Variants in NRAP observed in about 807,000 individuals in gnomAD.
NRAP encodes the protein nebulin-related-anchoring protein.
NRAP carries 189 observed loss-of-function variants against 225.9 expected under a neutral mutation model. The ratio of observed to expected loss-of-function variants is 0.84; its 90% CI spans 0.74 to 0.94. The LOEUF is 0.94. NRAP is among the 40% of genes least tolerant of loss of function. NRAP has a pLI of 0.00. For missense variants in NRAP, 2,176 were observed against 2,168.7 expected (o/e 1.00, Z -0.07); for synonymous variants, 769 against 790.7 (o/e 0.97, Z 0.46).
At chr10:113,592,472 C>T (rs932537034) in intron 38 of NRAP, among the ~76,000 whole-genome samples, 171 bp from the exon 39 acceptor site, 5 of 152,160 alleles carry the variant, frequency 3.3e-5, no homozygotes, top group Non-Finnish European at 7.4e-5. Context: ...GTGGGGTTGG[C>T]CGTAAAAGGC....
rs757221408 is a variant in NRAP at position 113,624,930 on chromosome 10, C to T, written c.2245G>A (p.Val749Met). 1 of 1,609,218 alleles carries T rather than the reference C, an allele frequency of 6.2e-7. No homozygotes were observed. The highest frequency in any genetic ancestry group is 8.5e-7 in the Non-Finnish European group (1 of 1,175,742). ...AKKSQELQSG[V>M]AYKAGNEQSV... ...TGCTCATTTCCTGCCTTGTAGGCCACCTGTTGGGAAAGAGCACTGAGTCAG... is the reference window on the plus strand; with the variant it reads ...TGCTCATTTCCTGCCTTGTAGGCCATCTGTTGGGAAAGAGCACTGAGTCAG... Residue 749 changes from valine (V) to methionine (M), a missense_variant and splice_region_variant, in exon 22 of 42, where the codon GTG becomes ATG. This residue lies in a region of NRAP where 1,708 missense variants were observed against 1,695.5 expected (regional missense o/e 1.01). Coordinates refer to ENST00000359988, the MANE Select transcript of NRAP (RefSeq NM_198060.4).
At chr10:113,648,437 T>TTCTCTCTC (rs376144953) in intron 9 of NRAP, among the ~76,000 whole-genome samples, 3,354 of 65,758 alleles carry the variant, frequency 0.051, 145 homozygotes, top group Non-Finnish European at 0.074. Context: ...TTATTTTAGT[T>TTCTCTCTC]TCTCTCTCTC....
In NRAP at chr10:113,590,788, C is replaced by G. The variant is rs765743809; in HGVS notation, c.4746G>C (p.Arg1582Ser). The G allele has an allele frequency of 3.1e-6, 5 of 1,614,102 alleles. No homozygotes were observed. The African/African-American group carries it at 5.3e-5, about 17-fold the overall frequency. The part of the protein sequence containing the change: ...PRMKHFLNVG[R>S]LQSDNEYKKD... ...TCTTGTACTCATTGTCACTCTGGAG[C>G]CTGCCAACGTTGAGGAAATGCTTCA... The change falls in exon 40 of 42, where the codon AGG (arginine) becomes AGC (serine). Residue 1582 changes from arginine to serine, a missense_variant. Around this residue, in one of 3 missense-constraint regions of NRAP, gnomAD observed 445 missense variants for 426.1 expected, o/e 1.04. Coordinates refer to ENST00000359988, the MANE Select transcript of NRAP (RefSeq NM_198060.4).
intron 3 of NRAP, among the ~76,000 whole-genome samples, chr10:113,661,375 C>T (rs1314019006): frequency 6.6e-6 from 1 of 152,068 alleles, no homozygotes; most frequent in East Asian, 1.9e-4. Context: ...ATCTTGGCAG[C>T]ATGTGTAGAG....
intron 3 of NRAP, among the ~76,000 whole-genome samples, chr10:113,658,340 GT>G (rs1312323681): frequency 6.6e-6 from 1 of 152,102 alleles, no homozygotes; most frequent in Non-Finnish European, 1.5e-5. Flanking sequence ...GAAGCTTTGT[GT>G]TTTTATATTC....
In NRAP at chr10:113,660,929, A is replaced by G. The variant is rs553519889; in HGVS notation, c.255+1750T>C. Among the ~76,000 whole-genome samples, 7 of 152,288 alleles carry G rather than the reference A, an allele frequency of 4.6e-5. No homozygotes were observed. In the East Asian group the frequency reaches 1.3e-3, roughly 29 times the overall value. On this transcript the variant is annotated intron_variant, in intron 3 of 41. Coordinates refer to ENST00000359988, the MANE Select transcript of NRAP (RefSeq NM_198060.4). Reference sequence around the variant, plus strand: ...AGGTTACTTAACCTCTCTGAGCTTCAGTTTCCTCAACTATAACACAATAAT... The same window carrying G: ...AGGTTACTTAACCTCTCTGAGCTTCGGTTTCCTCAACTATAACACAATAAT...
rs141468148 is a variant in NRAP at position 113,612,776 on chromosome 10, C to T, written c.3301-345G>A. 5.9e-5 allele frequency among the ~76,000 whole-genome samples: 9 copies of T among 152,340 alleles called. No individual in the cohort carries two copies. The East Asian group carries it at 1.7e-3, about 29-fold the overall frequency. On this transcript the variant is annotated intron_variant, in intron 29 of 41. Transcript: ENST00000359988. ...ATTTTTCAGAGGCAAGAAGATGCAT[C>T]GCTCCCTGCCCACCATATTTTTTCC... is the stretch of plus-strand genomic sequence containing the variant.
intron 35 of NRAP, among the ~76,000 whole-genome samples, chr10:113,599,303 G>T (rs1261622152): frequency 1.3e-5 from 2 of 152,300 alleles, no homozygotes; most frequent in Admixed American, 1.3e-4. Flanking sequence ...ACTGGTGAAG[G>T]GAGACATCAC....
At chr10:113,643,439 T>A (rs1849323895) in intron 11 of NRAP, among the ~76,000 whole-genome samples, 1 of 152,244 alleles carries the variant, frequency 6.6e-6, no homozygotes, top group Non-Finnish European at 1.5e-5. Flanking sequence ...TGATTGCTAG[T>A]CACACAGGTG....
chr10:113,603,032 G>A (rs1281411346), intron 35 of NRAP, among the ~76,000 whole-genome samples: 1 of 152,198 alleles, frequency 6.6e-6, no homozygotes, highest in Non-Finnish European at 1.5e-5. Context: ...TGTCAAAGGT[G>A]CAGACGTTGA....
At chr10:113,638,941 T>C (rs1186805356) in intron 14 of NRAP, among the ~76,000 whole-genome samples, 1 of 152,172 alleles carries the variant, frequency 6.6e-6, no homozygotes, top group South Asian at 2.1e-4. Flanking sequence ...TCTAGATAAA[T>C]GTAGTAGCAA....
Position 113,614,240 on chromosome 10 carries a change from G to A in NRAP, c.3243C>T (p.Ser1081=), listed in dbSNP as rs753364704. The A allele has an allele frequency of 2.5e-6, 4 of 1,614,086 alleles. No individual in the cohort carries two copies. Among genetic ancestry groups the A allele is most frequent in the Admixed American group, 1.7e-5 (1 of 60,028 alleles). The change falls in exon 29 of 42, where the codon AGC becomes AGT. Residue 1081 remains serine, a synonymous_variant. Coordinates refer to ENST00000359988, the MANE Select transcript of NRAP (RefSeq NM_198060.4). ...GTGCAAGGCTGATATCATCTTCCAA[G>A]CTCCGGGAACCAAGCATCTGTCCTT... is the stretch of plus-strand genomic sequence containing the variant. ...KMKGQMLGSR[S]LEDDISLAHS...
At position 113,612,097 on chromosome 10, in the gene NRAP, A is replaced by C. The variant is rs1044190452; in HGVS notation, c.3498+137T>G. 62 of 646,020 alleles carry C rather than the reference A, an allele frequency of 9.6e-5. No homozygotes were observed. In the African/African-American group the frequency reaches 1.1e-3, roughly 12 times the overall value. 40.0% of individuals were successfully genotyped at this position (646,020 alleles called of 1,614,324 possible). On this transcript the variant is annotated intron_variant, in intron 30 of 41. Coordinates refer to ENST00000359988, the MANE Select transcript of NRAP (RefSeq NM_198060.4). ...TTAAGGGATGTGCAGGAACTCTCAG[A>C]CTGGGTTTCAAAATAAGACTTGGGT...
intron 9 of NRAP, among the ~76,000 whole-genome samples, chr10:113,648,459 CTCTCTCTCTATATA>C (rs1318780196): frequency 1.0e-4 from 13 of 126,968 alleles, no homozygotes; most frequent in African/African-American, 3.6e-4. Flanking sequence ...CTCTCTCTCT[CTCTCTCTCTATATA>C]TATATATATA....
intron 35 of NRAP, among the ~76,000 whole-genome samples, chr10:113,598,510 G>A (rs1413367489): frequency 6.6e-6 from 1 of 151,942 alleles, no homozygotes; most frequent in Non-Finnish European, 1.5e-5. Context: ...ATGACTGGGA[G>A]CAAATCACTT....
At chr10:113,631,486 T>G in intron 18 of NRAP, 23 bp downstream of exon 18, 1 of 1,447,260 alleles carries the variant, frequency 6.9e-7, no homozygotes. Flanking sequence ...AAGTGAGAGG[T>G]TGGGGGTTAG....
At chr10:113,609,865 G>T (rs775860506) in intron 31 of NRAP, among the ~76,000 whole-genome samples, 5 of 151,832 alleles carry the variant, frequency 3.3e-5, no homozygotes, top group Admixed American at 2.6e-4. Context: ...AGAGAATATC[G>T]CATGGGCCAG....
rs187929189 is a variant in NRAP at position 113,642,011 on chromosome 10, G to C, written c.1216-539C>G. Among the ~76,000 whole-genome samples the C allele has an allele frequency of 2.7e-4, 41 of 152,252 alleles. 1 individual carries two copies. The highest frequency in any genetic ancestry group is 2.7e-3 in the Admixed American group (41 of 15,302). On this transcript the variant is annotated intron_variant, in intron 12 of 41. Coordinates refer to ENST00000359988, the MANE Select transcript of NRAP (RefSeq NM_198060.4). ...TGTCAAATGCCACTTATCAAATAAAGAGAAGACCAAAACAGGATGACAAGA... is the reference window on the plus strand; with the variant it reads ...TGTCAAATGCCACTTATCAAATAAACAGAAGACCAAAACAGGATGACAAGA...
intron 3 of NRAP, among the ~76,000 whole-genome samples, chr10:113,659,443 C>G (rs1371575213): frequency 6.6e-6 from 1 of 152,116 alleles, no homozygotes; most frequent in Admixed American, 6.5e-5. Context: ...AAACACAGGA[C>G]CAAAAGACCA....
Sources: allele counts gnomAD v4.1 joint callset (sites outside exome capture counted in the v4.1 genomes callset), GRCh38; gene constraint gnomAD v4.1.1; regional missense constraint gnomAD v4.1.1; transcripts MANE v1.5; gene names NCBI Gene and HGNC (gene_info 2026-07-23, HGNC 2026-07-21).